The following L3MBTL4 variants were observed in gnomAD, a reference collection of about 807,000 sequenced individuals.
The protein encoded by L3MBTL4 is L3MBTL histone methyl-lysine binding protein 4.
Under a neutral mutation model 84.5 loss-of-function variants are expected in L3MBTL4, and 70 were observed. That is an observed-to-expected ratio of 0.83 (90% CI 0.68 to 1.01). L3MBTL4 has a LOEUF of 1.01. Among genes scored for constraint, L3MBTL4 ranks in the 50% least tolerant of loss-of-function variants. The probability of loss-of-function intolerance (pLI) is 0.00; values close to 1 mark genes in which losing one functional copy is unlikely to be tolerated. For missense variants in L3MBTL4, 715 were observed against 754.8 expected, an observed-to-expected ratio of 0.95 and a Z score of 0.62; for synonymous variants, 274 against 259.8, an observed-to-expected ratio of 1.05 and a Z score of -0.52.
intron 4 of L3MBTL4, among the ~76,000 whole-genome samples, chr18:6,271,454 CA>C (rs2048864135): frequency 6.6e-6 from 1 of 152,058 alleles, no homozygotes; most frequent in Admixed American, 6.5e-5. Context: ...GGTGGGGCGG[CA>C]AAGGGAGAAG....
Position 5,969,536 on chromosome 18 carries a change from C to A in L3MBTL4, c.1471G>T (p.Val491Leu). ...GACATGGACACTGACTGGTGAAGCACCTGCTGCGCCTGCTCCACCGAGTAT... is the reference window on the plus strand; with the variant it reads ...GACATGGACACTGACTGGTGAAGCAACTGCTGCGCCTGCTCCACCGAGTAT... ...REYSVEQAQQ[V>L]LHQSVSMSTV... Residue 491 changes from valine (V) to leucine (L), a missense_variant, in exon 17 of 19, where the codon GTG (valine) becomes TTG (leucine). By Grantham distance (32) the Val-to-Leu change is conservative (BLOSUM62 1). Coordinates refer to ENST00000317931, the MANE Select transcript of L3MBTL4 (RefSeq NM_001330559.2). The A allele has an allele frequency of 6.2e-7, 1 of 1,609,420 alleles. No individual in the cohort carries two copies. Among genetic ancestry groups the A allele is most frequent in the South Asian group, 1.1e-5 (1 of 90,194 alleles).
chr18:6,290,322 G>T (rs58700384), intron 4 of L3MBTL4, among the ~76,000 whole-genome samples: 28,452 of 150,786 alleles, frequency 0.19, 2,819 homozygotes, highest in African/African-American at 0.24. Flanking sequence ...GAAACAGAGT[G>T]TATAGTTTAT....
chr18:6,383,911 T>G (rs1310873214), intron 1 of L3MBTL4, among the ~76,000 whole-genome samples: 2 of 152,210 alleles, frequency 1.3e-5, no homozygotes, highest in African/African-American at 2.4e-5. Flanking sequence ...CAGGTACAGT[T>G]TTTAAAGATA....
rs16949196 is a variant in L3MBTL4, at chr18:5,990,749, A to G, written c.1445-21187T>C. The stretch of plus-strand genomic sequence containing the variant: ...CTAAGCCCTGAAGGAATTCCTTTCA[A>G]ACTTTAGTAGGGTTCATGTGGGTGT... On this transcript the variant is annotated intron_variant, in intron 16 of 18. Coordinates refer to ENST00000317931, the MANE Select transcript of L3MBTL4 (RefSeq NM_001330559.2). Among the ~76,000 whole-genome samples, 2,043 of 150,042 alleles carry G rather than the reference A, an allele frequency of 0.014. 97 individuals are homozygous for G. The East Asian group carries it at 0.15, about 11-fold the overall frequency.
intron 14 of L3MBTL4, among the ~76,000 whole-genome samples, chr18:6,109,129 C>A (rs979435757): frequency 4.6e-5 from 7 of 152,232 alleles, no homozygotes; most frequent in Admixed American, 3.9e-4. Context: ...GAAGGTACAT[C>A]AGGATTTCTT....
chr18:6,336,727 A>G (rs920857932), intron 1 of L3MBTL4, among the ~76,000 whole-genome samples: 2 of 152,354 alleles, frequency 1.3e-5, no homozygotes, highest in African/African-American at 2.4e-5. Flanking sequence ...GAGGAAAATA[A>G]TATCAATTTG....
intron 3 of L3MBTL4, among the ~76,000 whole-genome samples, chr18:6,310,646 A>T (rs924083029): frequency 6.6e-6 from 1 of 152,214 alleles, no homozygotes; most frequent in Admixed American, 6.5e-5. Flanking sequence ...ACATGCTAAG[A>T]ACCAATGAAG....
chr18:6,189,683 AT>A (rs1480521627), intron 12 of L3MBTL4, among the ~76,000 whole-genome samples: 2 of 152,224 alleles, frequency 1.3e-5, no homozygotes, highest in Non-Finnish European at 2.9e-5. Context: ...TAACAGAAAA[AT>A]GATCTAAAAA....
rs779523685 is a variant in L3MBTL4, at chr18:6,118,993, C to CTTT, written c.1199+19198_1199+19200dup. Among the ~76,000 whole-genome samples the CTTT allele has an allele frequency of 2.6e-3, 221 of 83,690 alleles. 5 individuals carry two copies. The highest frequency in any genetic ancestry group is 7.2e-3 in the African/African-American group (154 of 21,366). The allele number at this position is 83,690 out of a possible 152,430, so 54.9% of individuals were successfully genotyped here. On this transcript the variant is annotated intron_variant, in intron 14 of 18. Coordinates refer to ENST00000317931, the MANE Select transcript of L3MBTL4 (RefSeq NM_001330559.2). ...GATTTGGCACAGTTTTTTTTGGTTT[C>CTTT]TTTTTTTTTTTTTTTTTTTTTTTTT...
chr18:5,999,005 T>C (rs908025997), intron 16 of L3MBTL4, among the ~76,000 whole-genome samples: 1 of 152,204 alleles, frequency 6.6e-6, no homozygotes, highest in Admixed American at 6.5e-5. Flanking sequence ...GTTAAGATGA[T>C]TCCTGAACTT....
intron 4 of L3MBTL4, among the ~76,000 whole-genome samples, chr18:6,287,882 A>C (rs1599492918): frequency 6.6e-6 from 1 of 152,180 alleles, no homozygotes; most frequent in East Asian, 1.9e-4. Context: ...GTCTCTATAA[A>C]AATTTAGAAA....
At chr18:6,046,976 AAC>A (rs2056649910) in intron 16 of L3MBTL4, among the ~76,000 whole-genome samples, 1 of 152,204 alleles carries the variant, frequency 6.6e-6, no homozygotes, top group African/African-American at 2.4e-5. Flanking sequence ...TAGTTATTTG[AAC>A]AGATAAACAA....
intron 14 of L3MBTL4, among the ~76,000 whole-genome samples, chr18:6,113,708 C>T (rs980710916): frequency 7.9e-5 from 12 of 152,174 alleles, no homozygotes; most frequent in Admixed American, 7.2e-4. Flanking sequence ...CTACTCCACT[C>T]CTAGGGTGCT....
chr18:6,342,137 C>T (rs1479100821), intron 1 of L3MBTL4, among the ~76,000 whole-genome samples: 10 of 152,222 alleles, frequency 6.6e-5, no homozygotes, highest in African/African-American at 2.4e-4. Context: ...TAAAAGAGTT[C>T]TTCAAAGTTT....
chr18:6,237,699 G>A (rs374132426), intron 10 of L3MBTL4, among the ~76,000 whole-genome samples: 20 of 151,574 alleles, frequency 1.3e-4, no homozygotes, highest in Admixed American at 2.6e-4. Flanking sequence ...CAGGTGATCC[G>A]CCCACCTTGG....
At chr18:6,168,899 G>A (rs1181867469) in intron 13 of L3MBTL4, among the ~76,000 whole-genome samples, 1 of 151,856 alleles carries the variant, frequency 6.6e-6, no homozygotes, top group Non-Finnish European at 1.5e-5. Context: ...GCAACCTACA[G>A]AATGGGAGAA....
chr18:6,095,346 G>GT (rs71370544), intron 14 of L3MBTL4, among the ~76,000 whole-genome samples: 1,370 of 122,904 alleles, frequency 0.011, 17 homozygotes, highest in East Asian at 0.023. Flanking sequence ...GGGGAACATG[G>GT]TTTTTTTTTT....
At position 6,215,792 on chromosome 18, in the gene L3MBTL4, TTCCAGGTATTCTG is replaced by T; in HGVS notation, c.815_827del (p.Thr272LysfsTer15). 6.2e-7 allele frequency: 1 copy of T among 1,608,260 alleles called. No homozygotes were observed. The highest frequency in any genetic ancestry group is 8.5e-7 in the Non-Finnish European group (1 of 1,177,464). On this transcript the variant is annotated frameshift_variant, in exon 11 of 19. Transcript: ENST00000317931. LOFTEE classifies it high-confidence loss of function. ...CAGGAACTGCATTGGTTTGAGTAGC[TTCCAGGTATTCTG>T]TCCAGGAAAAATTTTCTGGATTGGG...
At chr18:6,058,393 AG>A (rs1448890335) in intron 16 of L3MBTL4, among the ~76,000 whole-genome samples, 1 of 152,060 alleles carries the variant, frequency 6.6e-6, no homozygotes, top group African/African-American at 2.4e-5. Context: ...GTCTTTATGG[AG>A]TATAAATCTC....
Sources: gnomAD v4.1 joint callset for allele counts (sites outside exome capture counted in the v4.1 genomes callset) on GRCh38, gnomAD v4.1.1 for gene constraint, MANE v1.5 for transcripts, NCBI Gene and HGNC (gene_info 2026-07-23, HGNC 2026-07-21) for gene names.